GRIK2: variants seen among roughly 807,000 people sequenced by gnomAD.
GRIK2 encodes the protein glutamate receptor ionotropic, kainate 2.
In GRIK2, 32 loss-of-function variants were observed where a neutral mutation model predicts 100.3. That is an observed-to-expected ratio of 0.32 (90% CI 0.24 to 0.43). GRIK2 has a LOEUF of 0.43. GRIK2 is among the 20% of genes least tolerant of loss of function. The pLI is 1.00. For synonymous variants in GRIK2, 417 were observed against 389.4 expected (o/e 1.07, Z -0.83); for missense variants, 843 against 1,114.9 (o/e 0.76, Z 3.47).
chr6:101,712,178 A>G (rs150847142), intron 7 of GRIK2, among the ~76,000 whole-genome samples: 11 of 151,944 alleles, frequency 7.2e-5, no homozygotes, highest in African/African-American at 2.4e-4. Flanking sequence ...TCAACACACT[A>G]AAGTTCCCTT....
At chr6:101,511,288 T>C (rs1774299424) in intron 2 of GRIK2, among the ~76,000 whole-genome samples, 3 of 152,236 alleles carry the variant, frequency 2.0e-5, no homozygotes, top group Admixed American at 6.5e-5. Flanking sequence ...ACTCGGCTTC[T>C]TGACATTTAA....
At chr6:102,006,388 A>ATTTTTT (rs1391488839) in intron 14 of GRIK2, among the ~76,000 whole-genome samples, 2 of 111,916 alleles carry the variant, frequency 1.8e-5, no homozygotes, top group African/African-American at 1.1e-4. Flanking sequence ...ATATATATAT[A>ATTTTTT]TATTTTTTTT....
chr6:101,688,064 T>A (rs1413917284), intron 7 of GRIK2, among the ~76,000 whole-genome samples: 2 of 147,150 alleles, frequency 1.4e-5, no homozygotes, highest in South Asian at 2.1e-4. Flanking sequence ...TTATATAATA[T>A]ATAAAAATAT....
At position 101,497,862 on chromosome 6, in the gene GRIK2, T is replaced by TTTA. The variant is rs539969636; in HGVS notation, c.115+98490_115+98492dup. Reference sequence around the variant, plus strand: ...AAGCATTCACTGTTTTACAACCTTATTTATTATTATTATTATTATTATACT... The same window carrying TTTA: ...AAGCATTCACTGTTTTACAACCTTATTTATTATTATTATTATTATTATTATACT... On this transcript the variant is annotated intron_variant, in intron 2 of 16. Transcript: ENST00000369134. 7.8e-4 allele frequency among the ~76,000 whole-genome samples: 102 copies of TTTA among 130,192 alleles called. 1 individual carries two copies. The highest frequency in any genetic ancestry group is 1.9e-3 in the African/African-American group (75 of 38,708). The allele number at this position is 130,192 out of a possible 152,430, so 85.4% of individuals were successfully genotyped here.
chr6:101,402,132 A>G (rs948547324), intron 2 of GRIK2, among the ~76,000 whole-genome samples: 1 of 152,000 alleles, frequency 6.6e-6, no homozygotes, highest in African/African-American at 2.4e-5. Context: ...CCCCGCTTAG[A>G]GTGCTGAACC....
intron 2 of GRIK2, among the ~76,000 whole-genome samples, chr6:101,412,852 G>T (rs7754136): frequency 0.014 from 2,171 of 151,902 alleles, 51 homozygotes; most frequent in African/African-American, 0.05. Flanking sequence ...GGGATAAATT[G>T]ATATACGTAA....
At chr6:101,938,250 A>G (rs1301671289) in intron 14 of GRIK2, among the ~76,000 whole-genome samples, 3 of 152,046 alleles carry the variant, frequency 2.0e-5, no homozygotes, top group Non-Finnish European at 2.9e-5. Flanking sequence ...GGAGCAAGCA[A>G]GATGTCAAGT....
At chr6:101,947,108 A>T (rs1293905212) in intron 14 of GRIK2, among the ~76,000 whole-genome samples, 1 of 152,168 alleles carries the variant, frequency 6.6e-6, no homozygotes, top group Non-Finnish European at 1.5e-5. Context: ...GAGAAAAGAG[A>T]GGTCAGGGGC....
intron 2 of GRIK2, among the ~76,000 whole-genome samples, chr6:101,574,340 A>T (rs995125113): frequency 8.8e-5 from 13 of 147,498 alleles, no homozygotes; most frequent in African/African-American, 2.5e-4. Context: ...TATGATAAAT[A>T]AAAATATATA....
At chr6:101,604,232 G>C (rs1364111905) in intron 2 of GRIK2, among the ~76,000 whole-genome samples, 1 of 151,550 alleles carries the variant, frequency 6.6e-6, no homozygotes, top group East Asian at 2.0e-4. Context: ...TGAAAACTCT[G>C]CTTAAATTCT....
intron 2 of GRIK2, among the ~76,000 whole-genome samples, chr6:101,518,291 G>A (rs1367375111): frequency 1.3e-5 from 2 of 152,022 alleles, no homozygotes; most frequent in Non-Finnish European, 2.9e-5. Flanking sequence ...TGTGATAAAA[G>A]CAAAAAGTAC....
chr6:101,610,005 C>T (rs9498647), intron 2 of GRIK2, among the ~76,000 whole-genome samples: 37 of 151,216 alleles, frequency 2.4e-4, no homozygotes, highest in Non-Finnish European at 4.6e-4. Flanking sequence ...AAGGGGGAAA[C>T]CAAAAGTAAT....
intron 7 of GRIK2, among the ~76,000 whole-genome samples, chr6:101,717,472 A>G (rs1310025945): frequency 6.6e-6 from 1 of 151,880 alleles, no homozygotes; most frequent in Non-Finnish European, 1.5e-5. Flanking sequence ...TTTACAGGAC[A>G]TTCTCTTAAT....
intron 2 of GRIK2, among the ~76,000 whole-genome samples, chr6:101,617,076 A>G (rs1333933203): frequency 1.3e-5 from 2 of 151,726 alleles, no homozygotes; most frequent in Non-Finnish European, 2.9e-5. Flanking sequence ...TTGAAGCTAC[A>G]TTTAGTAATA....
rs770732436 is a variant in GRIK2, at chr6:102,035,493, C to G, written c.2238C>G (p.Thr746=). ...AGTCAACAACCATCGAGTTTGTTAC[C>G]CAGCGGAACTGTAACCTGACACAGA... ...LMESTTIEFV[T]QRNCNLTQIG... Residue 746 remains threonine, a synonymous_variant, in exon 15 of 17, where the codon ACC becomes ACG. Coordinates refer to ENST00000369134, the MANE Select transcript of GRIK2 (RefSeq NM_021956.5). 26 of 1,609,914 alleles carry G rather than the reference C, an allele frequency of 1.6e-5. No homozygotes were observed. Among genetic ancestry groups the G allele is most frequent in the Non-Finnish European group, 2.2e-5 (26 of 1,177,170 alleles).
Position 101,676,707 on chromosome 6 carries a change from A to AGG in GRIK2, c.627_628dup (p.Asp210GlyfsTer7). 6.2e-7 allele frequency: 1 copy of AGG among 1,606,128 alleles called. No homozygotes were observed. Among genetic ancestry groups the AGG allele is most frequent in the Non-Finnish European group, 8.5e-7 (1 of 1,173,722 alleles). On this transcript the variant is annotated frameshift_variant, in exon 5 of 17. Transcript: ENST00000369134. LOFTEE classifies it high-confidence loss of function. ...ATTCGTCAGTTACCTGCTGATACAA[A>AGG]GGATGCAAAACCCTTACTAAAAGAA...
At chr6:101,572,137 AAG>A (rs1371580562) in intron 2 of GRIK2, among the ~76,000 whole-genome samples, 10 of 152,148 alleles carry the variant, frequency 6.6e-5, no homozygotes, top group African/African-American at 2.4e-4. Context: ...CATTTAAAAA[AAG>A]TTGCTTTTTT....
At chr6:101,641,368 A>C (rs955523393) in intron 4 of GRIK2, among the ~76,000 whole-genome samples, 1 of 152,004 alleles carries the variant, frequency 6.6e-6, no homozygotes, top group Non-Finnish European at 1.5e-5. Flanking sequence ...GCATTAAAGA[A>C]AGAAAATTAA....
Position 102,068,475 on chromosome 6 carries a change from C to G in GRIK2, c.2691C>G (p.Asn897Lys), listed in dbSNP as rs761836841. ...TEEVINMHTF[N>K]DRRLPGKETM... ...AAGTTATCAACATGCACACATTTAACGACAGAAGGTTGCCAGGTAAAGAAA... is the reference window on the plus strand; with the variant it reads ...AAGTTATCAACATGCACACATTTAAGGACAGAAGGTTGCCAGGTAAAGAAA... The change falls in exon 17 of 17, where the codon AAC becomes AAG. Residue 897 changes from asparagine to lysine, a missense_variant. This residue lies in a region of GRIK2 where 87 missense variants were observed against 83.2 expected (regional missense o/e 1.05). Transcript: ENST00000369134. 6.2e-7 allele frequency: 1 copy of G among 1,611,732 alleles called. No homozygotes were observed.
Sources: allele counts gnomAD v4.1 joint callset (sites outside exome capture counted in the v4.1 genomes callset), GRCh38; gene constraint gnomAD v4.1.1; regional missense constraint gnomAD v4.1.1; transcripts MANE v1.5; gene names NCBI Gene and HGNC (gene_info 2026-07-23, HGNC 2026-07-21).